The following SZT2 variants were observed in gnomAD, a reference collection of about 807,000 sequenced individuals.
SZT2 encodes SZT2 subunit of KICSTOR complex.
SZT2 carries 216 observed loss-of-function variants against 404.2 expected under a neutral mutation model. The observed-to-expected ratio is 0.53, with a 90% CI of 0.48 to 0.60. The LOEUF is 0.60. SZT2 is among the 20% of genes least tolerant of loss of function. The probability of loss-of-function intolerance (pLI) is 0.00; values close to 1 mark genes in which losing one functional copy is unlikely to be tolerated. For missense variants in SZT2, 3,857 were observed against 4,459.2 expected (o/e 0.86, Z 3.85); for synonymous variants, 1,693 against 1,749.9 (o/e 0.97, Z 0.81).
In SZT2 at chr1:43,428,428, A is replaced by C; in HGVS notation, c.4108A>C (p.Ser1370Arg). The change falls in exon 28 of 72, where the codon AGC becomes CGC. Residue 1370 changes from serine to arginine, a missense_variant. By Grantham distance (110) the Ser-to-Arg change is moderately radical (BLOSUM62 -1). Transcript: ENST00000634258. ...TCCTCTCAGCCCTGGGCCCTTCAGC[A>C]GCAGCATGGAGGAGGGTGCTGAACC... The part of the protein sequence containing the change: ...PGPLSPGPFS[S>R]SMEEGAEPRE... The C allele has an allele frequency of 1.9e-6, 3 of 1,614,188 alleles. No homozygotes were observed. Among genetic ancestry groups the C allele is most frequent in the Non-Finnish European group, 2.5e-6 (3 of 1,180,022 alleles).
chr1:43,404,575 G>A, intron 4 of SZT2, 25 bp downstream of exon 4: 1 of 1,601,462 alleles, frequency 6.2e-7, no homozygotes, highest in Non-Finnish European at 8.5e-7. Context: ...CTCCAAGTTT[G>A]TACCCTCAGA....
rs755828283 is a variant in SZT2 at position 43,451,351 on chromosome 1, G to A, written c.*871G>A. On this transcript the variant is annotated 3_prime_UTR_variant, in exon 72 of 72. Coordinates refer to ENST00000634258, the MANE Select transcript of SZT2 (RefSeq NM_001365999.1). ...AGGCCTCGGCACCTCAGCCCACAAG[G>A]AGAAAACAGCCCCTGTCCGGGTCCC... The A allele has an allele frequency of 1.2e-5, 19 of 1,612,634 alleles. No individual in the cohort carries two copies. The highest frequency in any genetic ancestry group is 1.5e-5 in the Non-Finnish European group (18 of 1,180,012).
In SZT2 at chr1:43,452,252, C is replaced by T. The variant is rs1656520152; in HGVS notation, c.*1772C>T. On this transcript the variant is annotated 3_prime_UTR_variant, in exon 72 of 72. Coordinates refer to ENST00000634258, the MANE Select transcript of SZT2 (RefSeq NM_001365999.1). ...TGCCTCAGGTTCTCCAGAAAAACGG[C>T]CTCCATCTCAGCCTTGACTGCTATT... 1.9e-6 allele frequency: 3 copies of T among 1,614,092 alleles called. No individual in the cohort carries two copies. Among genetic ancestry groups the T allele is most frequent in the Non-Finnish European group, 1.7e-6 (2 of 1,179,984 alleles).
chr1:43,405,457 T>C (rs1650190657), intron 4 of SZT2: 2 of 152,220 alleles, frequency 1.3e-5, no homozygotes, highest in Admixed American at 6.5e-5. Flanking sequence ...GGAATATCTG[T>C]TTATGACTTA....
rs1357807652 is a variant in SZT2, at chr1:43,447,710, A to G, written c.9440+12A>G. ...TCGGCATGGCACAGGTAAGGCTGAG[A>G]GGGGCATCCAGCATGCACGCTGCAG... On this transcript the variant is annotated intron_variant, in intron 67 of 71. Transcript: ENST00000634258. 1.9e-6 allele frequency: 3 copies of G among 1,612,348 alleles called. No homozygotes were observed. Among genetic ancestry groups the G allele is most frequent in the Non-Finnish European group, 2.5e-6 (3 of 1,179,470 alleles).
At position 43,420,803 on chromosome 1, in the gene SZT2, T is replaced by C; in HGVS notation, c.1316T>C (p.Ile439Thr). The C allele has an allele frequency of 1.3e-6, 2 of 1,598,430 alleles. No homozygotes were observed. Among genetic ancestry groups the C allele is most frequent in the Non-Finnish European group, 1.7e-6 (2 of 1,179,812 alleles). The change falls in exon 10 of 72, where the codon ATT becomes ACT. Residue 439 changes from isoleucine (I) to threonine (T), a missense_variant. This residue lies in a region of SZT2 where 536 missense variants were observed against 637.4 expected (regional missense o/e 0.84). Coordinates refer to ENST00000634258, the MANE Select transcript of SZT2 (RefSeq NM_001365999.1). This position sits in a 1 kb window ranked among gnomAD's most constrained non-coding sequence, Gnocchi z 5.1. ...LVLLWKHNMR[I>T]EYVAMAPWPL... ...CTGCTGTGGAAACACAACATGCGCATTGAGTATGTGGCTATGGCACCCTGG... is the reference window on the plus strand; with the variant it reads ...CTGCTGTGGAAACACAACATGCGCACTGAGTATGTGGCTATGGCACCCTGG...
At chr1:43,440,121 G>A (rs991938529) in intron 51 of SZT2, 73 bp downstream of exon 51, 26 of 1,583,950 alleles carry the variant, frequency 1.6e-5, no homozygotes, top group South Asian at 3.4e-5. Context: ...GCAGGTGAGC[G>A]TGCAAAGGTG....
At position 43,453,923 on chromosome 1, in the gene SZT2, A is replaced by G; in HGVS notation, c.*3443A>G. 6 of 1,206,848 alleles carry G rather than the reference A, an allele frequency of 5.0e-6. No individual in the cohort carries two copies. The highest frequency in any genetic ancestry group is 6.2e-6 in the Non-Finnish European group (6 of 972,250). 74.8% of individuals were successfully genotyped at this position (1,206,848 alleles called of 1,614,324 possible). Reference sequence around the variant, plus strand: ...CGAACGAGCACTGTTCGTGGTTAGAAAAGCGAAGTGCTGTAAAAACCCGGG... The same window carrying G: ...CGAACGAGCACTGTTCGTGGTTAGAGAAGCGAAGTGCTGTAAAAACCCGGG... On this transcript the variant is annotated 3_prime_UTR_variant, in exon 72 of 72. Coordinates refer to ENST00000634258, the MANE Select transcript of SZT2 (RefSeq NM_001365999.1).
intron 4 of SZT2, among the ~76,000 whole-genome samples, chr1:43,414,106 A>T (rs896171035): frequency 1.3e-5 from 2 of 152,032 alleles, no homozygotes; most frequent in Non-Finnish European, 2.9e-5. Context: ...ACATGGTGAA[A>T]CCCCGTCTCT....
Position 43,394,319 on chromosome 1 carries a change from G to A in SZT2, c.27+4324G>A, listed in dbSNP as rs3850849. 7.3e-3 allele frequency among the ~76,000 whole-genome samples: 1,058 copies of A among 144,642 alleles called. 13 individuals are homozygous for A. Among genetic ancestry groups the A allele is most frequent in the African/African-American group, 0.026 (995 of 38,800 alleles). The allele number at this position is 144,642 out of a possible 152,430, so 94.9% of individuals were successfully genotyped here. ...CACCTCTCAGGTTCAAGCAATTCTT[G>A]TGCCTCAGCCTCCTGAGTAGCTGGG... On this transcript the variant is annotated intron_variant, in intron 1 of 71. Transcript: ENST00000634258.
intron 2 of SZT2, 21 bp downstream of exon 2, chr1:43,403,323 A>T: frequency 6.2e-7 from 1 of 1,609,214 alleles, no homozygotes; most frequent in Non-Finnish European, 8.5e-7. Context: ...GACACACGAA[A>T]GGTGTGAGGG....
rs1652975763 is a variant in SZT2, at chr1:43,425,058, G to A, written c.2551-55G>A. On this transcript the variant is annotated intron_variant, in intron 17 of 71. Transcript: ENST00000634258. The surrounding 1 kb of genome is among the most constrained non-coding windows in gnomAD (Gnocchi z 4.3). ...AATTCTGAGGGCCAGAGCTAGGCCAGGCCAGATCTCTGCCTTGGCTGGGAT... is the reference window on the plus strand; with the variant it reads ...AATTCTGAGGGCCAGAGCTAGGCCAAGCCAGATCTCTGCCTTGGCTGGGAT... 6.2e-7 allele frequency: 1 copy of A among 1,604,750 alleles called. No homozygotes were observed. Among genetic ancestry groups the A allele is most frequent in the African/African-American group, 1.3e-5 (1 of 74,882 alleles).
Position 43,426,250 on chromosome 1 carries a change from G to C in SZT2, c.3043+99G>C, listed in dbSNP as rs1450870758. On this transcript the variant is annotated intron_variant, in intron 21 of 71. Coordinates refer to ENST00000634258, the MANE Select transcript of SZT2 (RefSeq NM_001365999.1). The surrounding 1 kb of genome is among the most constrained non-coding windows in gnomAD (Gnocchi z 4.9). ...CAGATGGGTCAGCAAGTGAGCAGAT[G>C]AGTGGTGGGGGCAGGAGGAGCCCAT... is the stretch of plus-strand genomic sequence containing the variant. The C allele has an allele frequency of 2.0e-6, 3 of 1,500,562 alleles. No homozygotes were observed. In the East Asian group the frequency reaches 7.3e-5, roughly 37 times the overall value. The allele number at this position is 1,500,562 out of a possible 1,614,324, so 93.0% of individuals were successfully genotyped here. A position where few individuals can be genotyped will look rare whatever the true frequency, so the allele number is the denominator to read the frequency against.
Position 43,453,678 on chromosome 1 carries a change from C to T in SZT2, c.*3198C>T. 2.0e-6 allele frequency: 3 copies of T among 1,464,322 alleles called. No homozygotes were observed. Among genetic ancestry groups the T allele is most frequent in the South Asian group, 1.3e-5 (1 of 75,440 alleles). The allele number at this position is 1,464,322 out of a possible 1,614,324, so 90.7% of individuals were successfully genotyped here. ...CGCCTCAGGCGTCTCCGCGTACGGC[C>T]AGGCCACCTCGACGGCCTCGAAGCC... On this transcript the variant is annotated 3_prime_UTR_variant, in exon 72 of 72. Transcript: ENST00000634258.
chr1:43,432,565 G>T lies in SZT2; in HGVS notation c.5491G>T (p.Gly1831Cys), dbSNP rs779360338. 40 of 1,613,652 alleles carry T rather than the reference G, an allele frequency of 2.5e-5. No individual in the cohort carries two copies. Among genetic ancestry groups the T allele is most frequent in the Non-Finnish European group, 3.3e-5 (39 of 1,179,856 alleles). Residue 1831 changes from glycine to cysteine, a missense_variant, in exon 38 of 72, where the codon GGT becomes TGT. Transcript: ENST00000634258. Reference sequence around the variant, plus strand: ...ACCTGGGTCCCCAGAGGATTCTGAGGGTGTCCCCCTCATCAGCCTGCCCCG... The same window carrying T: ...ACCTGGGTCCCCAGAGGATTCTGAGTGTGTCCCCCTCATCAGCCTGCCCCG... ...QAPGSPEDSE[G>C]VPLISLPRVP...
chr1:43,408,366 T>C (rs2153930469), intron 4 of SZT2, among the ~76,000 whole-genome samples: 1 of 152,226 alleles, frequency 6.6e-6, no homozygotes, highest in South Asian at 2.1e-4. Context: ...TGGGCTTAAG[T>C]GATCTCCCAC....
chr1:43,443,320 A>G (rs773473234), intron 60 of SZT2, 32 bp from the exon 61 acceptor site: 1 of 1,614,132 alleles, frequency 6.2e-7, no homozygotes, highest in Non-Finnish European at 8.5e-7. Flanking sequence ...CTGCCCCGTC[A>G]CTGCTCCATG....
rs1656273652 is a variant in SZT2, at chr1:43,450,544, C to T, written c.*64C>T. The T allele has an allele frequency of 1.9e-6, 3 of 1,603,420 alleles. No homozygotes were observed. Among genetic ancestry groups the T allele is most frequent in the Admixed American group, 3.4e-5 (2 of 59,654 alleles). On this transcript the variant is annotated 3_prime_UTR_variant, in exon 72 of 72. Transcript: ENST00000634258. This position sits in a 1 kb window ranked among gnomAD's most constrained non-coding sequence, Gnocchi z 4.3. The stretch of plus-strand genomic sequence containing the variant: ...ATCATGGGCCTACCAGATTGCCTGC[C>T]AGAGGCAGGACTGACCAGCCCTTCT...
rs760013721 is a variant in SZT2, at chr1:43,428,283, G to A, written c.3963G>A (p.Gln1321=). The change falls in exon 28 of 72, where the codon CAG becomes CAA. Residue 1321 remains glutamine, a synonymous_variant. Transcript: ENST00000634258. ...AGCAAGCACAGAGTGTGACCTCCCA[G>A]GATTTGCTGACAGCGGTAGATGCCT... is the stretch of plus-strand genomic sequence containing the variant. ...SLQQAQSVTS[Q]DLLTAVDACE... The A allele has an allele frequency of 3.1e-6, 5 of 1,614,172 alleles. No homozygotes were observed. In the South Asian group the frequency reaches 5.5e-5, roughly 18 times the overall value.
Sources: allele counts gnomAD v4.1 joint callset (sites outside exome capture counted in the v4.1 genomes callset), GRCh38; gene constraint gnomAD v4.1.1; regional missense constraint gnomAD v4.1.1; non-coding constraint Gnocchi (gnomAD v3.1); transcripts MANE v1.5; gene names NCBI Gene and HGNC (gene_info 2026-07-23, HGNC 2026-07-21).